The following PARD3B variants were observed in gnomAD, a reference collection of about 807,000 sequenced individuals.
The protein encoded by PARD3B is par-3 family cell polarity regulator beta.
PARD3B carries 103 observed loss-of-function variants against 130.2 expected under a neutral mutation model. The ratio of observed to expected loss-of-function variants is 0.79; its 90% confidence interval spans 0.67 to 0.93. PARD3B has a LOEUF of 0.93. Ranked by LOEUF, PARD3B falls within the 40% of genes least tolerant of loss-of-function variation. The probability of loss-of-function intolerance (pLI) is 0.00; values close to 1 mark genes in which losing one functional copy is unlikely to be tolerated. For synonymous variants in PARD3B, 583 were observed against 553.2 expected, an observed-to-expected ratio of 1.05 and a Z score of -0.76; for missense variants, 1,609 against 1,499.2, an observed-to-expected ratio of 1.07 and a Z score of -1.21.
chr2:204,584,121 T>A (rs964987941), intron 1 of PARD3B, among the ~76,000 whole-genome samples: 1 of 152,180 alleles, frequency 6.6e-6, no homozygotes, highest in East Asian at 1.9e-4. Flanking sequence ...TCAGAGGAGA[T>A]GAATTTACCA....
At chr2:205,448,162 A>C (rs2106185493) in intron 20 of PARD3B, among the ~76,000 whole-genome samples, 1 of 152,290 alleles carries the variant, frequency 6.6e-6, no homozygotes, top group South Asian at 2.1e-4. Flanking sequence ...ATTATAATTC[A>C]CACCTTCAGC....
At position 204,855,370 on chromosome 2, in the gene PARD3B, C is replaced by T. The variant is rs569223145; in HGVS notation, c.223-109782C>T. ...CCATCCTGGCCAACATGGTGAAACC[C>T]GTCTCTACTAAAAATACAAAAATTA... On this transcript the variant is annotated intron_variant, in intron 2 of 22. Transcript: ENST00000406610. 3.3e-5 allele frequency among the ~76,000 whole-genome samples: 5 copies of T among 151,818 alleles called. No homozygotes were observed. In the East Asian group the frequency reaches 5.8e-4, roughly 18 times the overall value.
At chr2:205,536,152 A>AGCAGGTATTT (rs1483482270) in intron 21 of PARD3B, among the ~76,000 whole-genome samples, 7 of 152,262 alleles carry the variant, frequency 4.6e-5, no homozygotes, top group African/African-American at 1.7e-4. Context: ...ATTAGCTATG[A>AGCAGGTATTT]GCAGGTATTT....
intron 2 of PARD3B, among the ~76,000 whole-genome samples, chr2:204,803,693 C>T (rs181410306): frequency 3.9e-5 from 6 of 151,918 alleles, no homozygotes; most frequent in African/African-American, 1.4e-4. Flanking sequence ...AACCTCAAAT[C>T]AAAAAACCTA....
intron 1 of PARD3B, among the ~76,000 whole-genome samples, chr2:204,551,530 A>G (rs1019624098): frequency 1.8e-4 from 27 of 151,984 alleles, no homozygotes; most frequent in African/African-American, 5.8e-4. Context: ...GTGCTCCTGG[A>G]TCTTCTCTCC....
chr2:205,131,447 T>G (rs2031989746), intron 10 of PARD3B, among the ~76,000 whole-genome samples: 1 of 152,162 alleles, frequency 6.6e-6, no homozygotes, highest in African/African-American at 2.4e-5. Flanking sequence ...ATTCAACCAG[T>G]ATGTACTGAA....
chr2:205,468,558 C>T (rs1459007001), intron 20 of PARD3B, among the ~76,000 whole-genome samples: 1 of 152,206 alleles, frequency 6.6e-6, no homozygotes, highest in Non-Finnish European at 1.5e-5. Context: ...TTATCCACCT[C>T]ATTGCTCAAG....
intron 2 of PARD3B, among the ~76,000 whole-genome samples, chr2:204,833,003 G>A (rs764284485): frequency 2.0e-4 from 30 of 152,152 alleles, no homozygotes; most frequent in African/African-American, 6.3e-4. Context: ...AAGAAAAAGC[G>A]TTGTTCTAAG....
intron 2 of PARD3B, among the ~76,000 whole-genome samples, chr2:204,791,123 T>TA (rs11456507): frequency 0.87 from 129,858 of 149,478 alleles, 56,617 homozygotes; most frequent in Middle Eastern, 0.93. Flanking sequence ...AAAAAAAGGA[T>TA]AAAAAAAAAA....
intron 22 of PARD3B, among the ~76,000 whole-genome samples, chr2:205,583,118 A>G (rs1314095767): frequency 6.6e-6 from 1 of 152,262 alleles, no homozygotes; most frequent in Non-Finnish European, 1.5e-5. Flanking sequence ...TGTGCAATAT[A>G]TGCTCTCCGT....
chr2:205,612,503 T>C (rs899588703), intron 22 of PARD3B, among the ~76,000 whole-genome samples: 5 of 152,160 alleles, frequency 3.3e-5, no homozygotes, highest in Non-Finnish European at 7.4e-5. Context: ...AACTTAGAAG[T>C]TGTTCTGACA....
intron 15 of PARD3B, among the ~76,000 whole-genome samples, chr2:205,219,973 A>G (rs542325920): frequency 6.6e-6 from 1 of 152,126 alleles, no homozygotes; most frequent in Non-Finnish European, 1.5e-5. Flanking sequence ...AGCAAATCAC[A>G]CTGGATGACA....
At position 205,421,647 on chromosome 2, in the gene PARD3B, T is replaced by C. The variant is rs921099941; in HGVS notation, c.2742-18723T>C. ...TCATTCATAATCAGCATTAGTCTTC[T>C]ATTGCTGCTGTAACAAATTACCACA... On this transcript the variant is annotated intron_variant, in intron 19 of 22. Transcript: ENST00000406610. This position sits in a 1 kb window ranked among gnomAD's most constrained non-coding sequence, Gnocchi z 5.1. Among the ~76,000 whole-genome samples the C allele has an allele frequency of 3.3e-5, 5 of 152,226 alleles. No individual in the cohort carries two copies. Among genetic ancestry groups the C allele is most frequent in the African/African-American group, 1.2e-4 (5 of 41,464 alleles).
At chr2:205,532,019 A>G (rs1474709432) in intron 21 of PARD3B, among the ~76,000 whole-genome samples, 1 of 152,136 alleles carries the variant, frequency 6.6e-6, no homozygotes, top group Non-Finnish European at 1.5e-5. Context: ...GCTATTAATC[A>G]ACACTTGTAG....
At chr2:205,259,862 A>T (rs1434119191) in intron 16 of PARD3B, among the ~76,000 whole-genome samples, 1 of 152,170 alleles carries the variant, frequency 6.6e-6, no homozygotes, top group Non-Finnish European at 1.5e-5. Flanking sequence ...ATATTTGCAT[A>T]TACATAATGA....
chr2:204,780,360 T>C (rs1458073542), intron 2 of PARD3B, among the ~76,000 whole-genome samples: 2 of 152,186 alleles, frequency 1.3e-5, no homozygotes, highest in Admixed American at 1.3e-4. Flanking sequence ...AATTTGGTTT[T>C]AAAGCAGTTT....
At chr2:204,767,127 C>T (rs1485596616) in intron 2 of PARD3B, among the ~76,000 whole-genome samples, 1 of 93,188 alleles carries the variant, frequency 1.1e-5, no homozygotes, top group Non-Finnish European at 2.2e-5. Flanking sequence ...TTAGGTATAT[C>T]TCCCAATGCT....
At chr2:204,794,138 A>G (rs2042289276) in intron 2 of PARD3B, among the ~76,000 whole-genome samples, 1 of 152,138 alleles carries the variant, frequency 6.6e-6, no homozygotes, top group Non-Finnish European at 1.5e-5. Flanking sequence ...GGTTTCATAA[A>G]TGTTGGTAAT....
At chr2:204,925,727 T>C (rs1687560478) in intron 2 of PARD3B, among the ~76,000 whole-genome samples, 1 of 152,064 alleles carries the variant, frequency 6.6e-6, no homozygotes, top group Admixed American at 6.6e-5. Context: ...GCCTCATTCT[T>C]ACCCCTACTG....
Sources: allele counts gnomAD v4.1 joint callset (sites outside exome capture counted in the v4.1 genomes callset), GRCh38; gene constraint gnomAD v4.1.1; non-coding constraint Gnocchi (gnomAD v3.1); transcripts MANE v1.5; gene names NCBI Gene and HGNC (gene_info 2026-07-23, HGNC 2026-07-21).